The following ACVRL1 variants were observed in gnomAD, a reference collection of about 807,000 sequenced individuals.
The protein encoded by ACVRL1 is activin receptor type-1-like.
A neutral mutation model predicts 51.9 loss-of-function variants in ACVRL1; 20 were observed. That is an observed-to-expected ratio of 0.39 (90% CI 0.27 to 0.56). ACVRL1 has a LOEUF of 0.56. Among genes scored for constraint, ACVRL1 ranks in the 20% least tolerant of loss-of-function variants. The probability of loss-of-function intolerance (pLI) is 0.67; values close to 1 mark genes in which losing one functional copy is unlikely to be tolerated. For synonymous variants in ACVRL1, 288 were observed against 280.9 expected (o/e 1.03, Z -0.25); for missense variants, 451 against 670.3 (o/e 0.67, Z 3.61).
In ACVRL1 at chr12:51,920,931, T is replaced by TGGGGGGTGGGGGGGGGGGGGGG; in HGVS notation, c.*44_*45insTGGGGGGGGGGGGGGGGGGGGG. 2.0e-5 allele frequency: 4 copies of TGGGGGGTGGGGGGGGGGGGGGG among 203,030 alleles called. No individual in the cohort carries two copies. The highest frequency in any genetic ancestry group is 7.7e-5 in the African/African-American group (1 of 13,040). 12.6% of individuals were successfully genotyped at this position (203,030 alleles called of 1,614,324 possible). A position where few individuals can be genotyped will look rare whatever the true frequency, so the allele number is the denominator to read the frequency against. ...TGATTCCTTTCTGCCTGCAGGGGGC[T>TGGGGGGTGGGGGGGGGGGGGGG]GGGGGGGTGGGGGGCAGTGGATGGT... On this transcript the variant is annotated 3_prime_UTR_variant, in exon 10 of 10. Coordinates refer to ENST00000388922, the MANE Select transcript of ACVRL1 (RefSeq NM_000020.3).
Position 51,915,230 on chromosome 12 carries a change from A to C in ACVRL1, c.778A>C (p.Ile260Leu). The change falls in exon 7 of 10, where the codon ATC (isoleucine) becomes CTC (leucine). Residue 260 changes from isoleucine to leucine, a missense_variant. Physicochemically the swap from Ile to Leu is conservative, Grantham distance 5 (BLOSUM62 2). This residue lies in a region of ACVRL1 where 259 missense variants were observed against 453.4 expected (regional missense o/e 0.57). Coordinates refer to ENST00000388922, the MANE Select transcript of ACVRL1 (RefSeq NM_000020.3). The part of the protein sequence containing the change: ...LLRHDNILGF[I>L]ASDMTSRNSS... ...CCCAACCTTTCTGCACACAGGCTTC[A>C]TCGCCTCAGACATGACCTCCCGCAA... 10 of 1,614,012 alleles carry C rather than the reference A, an allele frequency of 6.2e-6. No homozygotes were observed. The highest frequency in any genetic ancestry group is 8.5e-6 in the Non-Finnish European group (10 of 1,180,038).
Position 51,916,033 on chromosome 12 carries a change from C to T in ACVRL1, c.1049-3C>T. The T allele has an allele frequency of 6.2e-7, 1 of 1,611,638 alleles. No homozygotes were observed. Among genetic ancestry groups the T allele is most frequent in the Non-Finnish European group, 8.5e-7 (1 of 1,178,398 alleles). On this transcript the variant is annotated splice_region_variant and splice_polypyrimidine_tract_variant and intron_variant, in intron 7 of 9. Coordinates refer to ENST00000388922, the MANE Select transcript of ACVRL1 (RefSeq NM_000020.3). ...GCAGGAGTGACAGGCCTCACCCCCACAGGCCTGGCTGTGATGCACTCACAG... is the reference window on the plus strand; with the variant it reads ...GCAGGAGTGACAGGCCTCACCCCCATAGGCCTGGCTGTGATGCACTCACAG...
At chr12:51,919,334 C>A in intron 9 of ACVRL1, 1 of 647,956 alleles carries the variant, frequency 1.5e-6, no homozygotes, top group Non-Finnish European at 2.7e-6. Context: ...TTCACCTTCC[C>A]TGTGAAAAGT....
chr12:51,907,148 A>G (rs1005122807), upstream of ACVRL1, among the ~76,000 whole-genome samples: 45 of 151,736 alleles, frequency 3.0e-4, no homozygotes, highest in Non-Finnish European at 5.2e-4. The surrounding 1 kb of genome is among the most constrained non-coding windows in gnomAD (Gnocchi z 4.5). Flanking sequence ...CGTTGCCTAC[A>G]GTCTCGGCTC....
At chr12:51,913,414 T>A (rs1443603363) in intron 3 of ACVRL1, 64 bp downstream of exon 3, 6 of 1,585,118 alleles carry the variant, frequency 3.8e-6, no homozygotes, top group Non-Finnish European at 5.1e-6. Flanking sequence ...CTTCCCTCCT[T>A]TCCTCTCATG....
At chr12:51,913,429 G>A in intron 3 of ACVRL1, 79 bp downstream of exon 3, 1 of 1,564,014 alleles carries the variant, frequency 6.4e-7, no homozygotes, top group East Asian at 2.3e-5. Context: ...CTCATGCTCT[G>A]GCCAATAAAG....
chr12:51,914,005 G>T lies in ACVRL1; in HGVS notation c.557G>T (p.Ser186Ile), dbSNP rs1288729113. Reference protein sequence around the residue: ...DLLDSDCTTGSGSGLPFLVQR... With the variant: ...DLLDSDCTTGIGSGLPFLVQR... The stretch of plus-strand genomic sequence containing the variant: ...CTGGACAGTGACTGCACCACAGGGA[G>T]TGGCTCAGGGCTCCCCTTCCTGGTG... Residue 186 changes from serine (S) to isoleucine (I), a missense_variant, in exon 5 of 10, where the codon AGT (serine) becomes ATT (isoleucine). By Grantham distance (142) the Ser-to-Ile change is moderately radical (BLOSUM62 -2). This residue lies in a region of ACVRL1 where 259 missense variants were observed against 453.4 expected (regional missense o/e 0.57). Coordinates refer to ENST00000388922, the MANE Select transcript of ACVRL1 (RefSeq NM_000020.3). The T allele has an allele frequency of 6.2e-7, 1 of 1,613,840 alleles. No individual in the cohort carries two copies. Among genetic ancestry groups the T allele is most frequent in the Non-Finnish European group, 8.5e-7 (1 of 1,179,860 alleles).
At chr12:51,913,021 A>G in intron 2 of ACVRL1, 78 bp from the exon 3 acceptor site, 5 of 1,554,622 alleles carry the variant, frequency 3.2e-6, no homozygotes, top group Non-Finnish European at 4.3e-6. Flanking sequence ...CGAGAGGGAC[A>G]GTAGGACAGA....
intron 1 of ACVRL1, among the ~76,000 whole-genome samples, chr12:51,910,412 T>C (rs1055657153): frequency 3.3e-5 from 5 of 152,158 alleles, no homozygotes; most frequent in Non-Finnish European, 7.3e-5. Context: ...AAAATGCATG[T>C]TTCTTGCTGA....
intron 1 of ACVRL1, 155 bp from the exon 2 acceptor site, chr12:51,912,315 C>T (rs905316763): frequency 1.5e-5 from 12 of 786,706 alleles, no homozygotes; most frequent in Non-Finnish European, 2.6e-5. Context: ...CCCTGCAGGC[C>T]CCGCCCCAAA....
rs1166311240 is a variant in ACVRL1 at position 51,915,444 on chromosome 12, T to A, written c.992T>A (p.Phe331Tyr). 1 of 1,613,516 alleles carries A rather than the reference T, an allele frequency of 6.2e-7. No homozygotes were observed. The highest frequency in any genetic ancestry group is 1.1e-5 in the South Asian group (1 of 91,082). The change falls in exon 7 of 10, where the codon TTC becomes TAC. Residue 331 changes from phenylalanine to tyrosine, a missense_variant. Physicochemically the swap from Phe to Tyr is conservative, Grantham distance 22 (BLOSUM62 3). This residue lies in a region of ACVRL1 where 259 missense variants were observed against 453.4 expected (regional missense o/e 0.57). Transcript: ENST00000388922. ...QGKPAIAHRD[F>Y]KSRNVLVKSN... is the part of the protein sequence containing the mutation. ...AAACCAGCCATTGCCCACCGCGACT[T>A]CAAGAGCCGCAATGTGCTGGTCAAG...
intron 8 of ACVRL1, among the ~76,000 whole-genome samples, chr12:51,918,117 G>A (rs1320500473): frequency 1.3e-5 from 2 of 152,200 alleles, no homozygotes; most frequent in South Asian, 2.1e-4. Context: ...GGCTGTCTGC[G>A]GCTCCACCGG....
rs76079488 is a variant in ACVRL1 at position 51,917,276 on chromosome 12, C to A, written c.1246+1043C>A. Among the ~76,000 whole-genome samples, 17 of 152,318 alleles carry A rather than the reference C, an allele frequency of 1.1e-4. No homozygotes were observed. The highest frequency in any genetic ancestry group is 4.1e-4 in the African/African-American group (17 of 41,570). On this transcript the variant is annotated intron_variant, in intron 8 of 9. Transcript: ENST00000388922. The surrounding 1 kb of genome is among the most constrained non-coding windows in gnomAD (Gnocchi z 4.2). ...CTCTGGCCCTTGATTTCCTCATGCA[C>A]GCAATGCATGTGAGTGCCTGCACTG...
At position 51,919,098 on chromosome 12, in the gene ACVRL1, C is replaced by T. The variant is rs373133784; in HGVS notation, c.1360C>T (p.Arg454Trp). Residue 454 changes from arginine (R) to tryptophan (W), a missense_variant, in exon 9 of 10, where the codon CGG (arginine) becomes TGG (tryptophan). Physicochemically the swap from Arg to Trp is moderately radical, Grantham distance 101. Coordinates refer to ENST00000388922, the MANE Select transcript of ACVRL1 (RefSeq NM_000020.3). ...VDQQTPTIPNRLAADPVLSGL... is the reference protein window; with the variant it reads ...VDQQTPTIPNWLAADPVLSGL... The stretch of plus-strand genomic sequence containing the variant: ...TCAGCAGACCCCCACCATCCCTAAC[C>T]GGCTGGCTGCAGACCCGGTGAGGCC... The T allele has an allele frequency of 7.0e-5, 113 of 1,613,872 alleles. 1 individual carries two copies. The highest frequency in any genetic ancestry group is 6.6e-4 in the Middle Eastern group (4 of 6,062).
intron 1 of ACVRL1, among the ~76,000 whole-genome samples, chr12:51,910,153 C>A (rs934113979): frequency 1.3e-5 from 2 of 152,166 alleles, no homozygotes. Context: ...CAGGATTAGA[C>A]CATAGATGGG....
In ACVRL1 at chr12:51,921,031, C is replaced by G; in HGVS notation, c.*138C>G. 1 of 1,026,422 alleles carries G rather than the reference C, an allele frequency of 9.7e-7. No individual in the cohort carries two copies. Among genetic ancestry groups the G allele is most frequent in the East Asian group, 2.6e-5 (1 of 38,378 alleles). The allele number at this position is 1,026,422 out of a possible 1,614,324, so 63.6% of individuals were successfully genotyped here. ...CAGCTGCGCCTGCCTGCTCGGCCCC[C>G]AGCCCACCCAGCCAAAAATACAGCT... On this transcript the variant is annotated 3_prime_UTR_variant, in exon 10 of 10. Coordinates refer to ENST00000388922, the MANE Select transcript of ACVRL1 (RefSeq NM_000020.3).
Position 51,915,256 on chromosome 12 carries a change from C to G in ACVRL1, c.804C>G (p.Asn268Lys). ...GFIASDMTSR[N>K]SSTQLWLITH... The stretch of plus-strand genomic sequence containing the variant: ...TCGCCTCAGACATGACCTCCCGCAA[C>G]TCGAGCACGCAGCTGTGGCTCATCA... Residue 268 changes from asparagine (N) to lysine (K), a missense_variant, in exon 7 of 10, where the codon AAC (asparagine) becomes AAG (lysine). Asn to Lys is a moderately conservative substitution (Grantham distance 94). Coordinates refer to ENST00000388922, the MANE Select transcript of ACVRL1 (RefSeq NM_000020.3). The G allele has an allele frequency of 6.2e-7, 1 of 1,614,184 alleles. No individual in the cohort carries two copies. Among genetic ancestry groups the G allele is most frequent in the Non-Finnish European group, 8.5e-7 (1 of 1,180,046 alleles).
intron 1 of ACVRL1, among the ~76,000 whole-genome samples, chr12:51,908,329 C>T (rs1940633717): frequency 6.6e-6 from 1 of 152,212 alleles, no homozygotes; most frequent in African/African-American, 2.4e-5. Flanking sequence ...GCTGCCCCAG[C>T]TCCTCTTTCC....
Position 51,919,815 on chromosome 12 carries a change from C to T in ACVRL1, c.1377+700C>T, listed in dbSNP as rs115608181. 7.6e-3 allele frequency among the ~76,000 whole-genome samples: 1,159 copies of T among 152,266 alleles called. 20 individuals carry two copies. Among genetic ancestry groups the T allele is most frequent in the African/African-American group, 0.026 (1,082 of 41,540 alleles). The stretch of plus-strand genomic sequence containing the variant: ...ACACACGTATATCAACACATACAAG[C>T]GTGAATATCCTTCTGAACATACACT... On this transcript the variant is annotated intron_variant, in intron 9 of 9. Transcript: ENST00000388922.
Sources: allele counts gnomAD v4.1 joint callset (sites outside exome capture counted in the v4.1 genomes callset), GRCh38; gene constraint gnomAD v4.1.1; regional missense constraint gnomAD v4.1.1; non-coding constraint Gnocchi (gnomAD v3.1); transcripts MANE v1.5; gene names NCBI Gene and HGNC (gene_info 2026-07-23, HGNC 2026-07-21).